The following TAFA5 variants were observed in gnomAD, a reference collection of about 807,000 sequenced individuals.
TAFA5 encodes the protein chemokine-like protein TAFA-5.
Under a neutral mutation model 15.3 loss-of-function variants are expected in TAFA5, and 6 were observed. That is an observed-to-expected ratio of 0.39 (90% CI 0.21 to 0.77). TAFA5 has a LOEUF of 0.77. Among genes scored for constraint, TAFA5 ranks in the 30% least tolerant of loss-of-function variants. The pLI is 0.41. For missense variants in TAFA5, 161 were observed against 193.1 expected, an observed-to-expected ratio of 0.83 and a Z score of 0.98; for synonymous variants, 103 against 80.7, an observed-to-expected ratio of 1.28 and a Z score of -1.48.
intron 2 of TAFA5, among the ~76,000 whole-genome samples, chr22:48,700,306 C>T (rs571221111): frequency 6.6e-6 from 1 of 152,200 alleles, no homozygotes; most frequent in Admixed American, 6.5e-5. Context: ...AGGAAAGGAG[C>T]TGGAAGCTAG....
At chr22:48,655,431 C>A (rs947401035) in intron 2 of TAFA5, among the ~76,000 whole-genome samples, 5 of 152,180 alleles carry the variant, frequency 3.3e-5, no homozygotes, top group South Asian at 2.1e-4. Context: ...AAAATCAAGG[C>A]ACTAGCGTGT....
rs1243075471 is a variant in TAFA5, at chr22:48,489,765, G to A, written c.112+61G>A. 2 of 1,074,482 alleles carry A rather than the reference G, an allele frequency of 1.9e-6. No individual in the cohort carries two copies. The highest frequency in any genetic ancestry group is 2.5e-6 in the Non-Finnish European group (2 of 816,154). 66.6% of individuals were successfully genotyped at this position (1,074,482 alleles called of 1,614,324 possible). ...TCTGGGCCCCGGACCCCCTCCTCCGGCCCCGGCAGGCGCCCCGCGGGCCTC... is the reference window on the plus strand; with the variant it reads ...TCTGGGCCCCGGACCCCCTCCTCCGACCCCGGCAGGCGCCCCGCGGGCCTC... On this transcript the variant is annotated intron_variant, in intron 1 of 3. Coordinates refer to ENST00000402357, the MANE Select transcript of TAFA5 (RefSeq NM_001082967.3). The surrounding 1 kb of genome is among the most constrained non-coding windows in gnomAD (Gnocchi z 5.5).
intron 1 of TAFA5, among the ~76,000 whole-genome samples, chr22:48,507,314 G>A (rs1371195677): frequency 6.7e-6 from 1 of 149,608 alleles, no homozygotes; most frequent in Non-Finnish European, 1.5e-5. Flanking sequence ...GGAGTGGCCG[G>A]CCGGTCAGGC....
chr22:48,616,115 G>C (rs896156723), intron 1 of TAFA5, among the ~76,000 whole-genome samples: 3 of 151,996 alleles, frequency 2.0e-5, no homozygotes, highest in African/African-American at 7.2e-5. Flanking sequence ...TGGGCCTGGG[G>C]CTGGGGATCA....
chr22:48,632,492 G>A (rs1926268416), intron 1 of TAFA5, among the ~76,000 whole-genome samples: 2 of 130,588 alleles, frequency 1.5e-5, no homozygotes, highest in South Asian at 4.1e-4. Context: ...CTGCGCTGCT[G>A]CCTGGCCAGG....
Position 48,571,574 on chromosome 22 carries a change from GTTTTTT to G in TAFA5, c.113-74996_113-74991del, listed in dbSNP as rs57578802. Among the ~76,000 whole-genome samples the G allele has an allele frequency of 6.6e-3, 192 of 29,170 alleles. 1 individual carries two copies. The East Asian group carries it at 0.16, about 24-fold the overall frequency. 19.1% of individuals were successfully genotyped at this position (29,170 alleles called of 152,430 possible). ...AGGCATGAGCCACTGTGCCTGGCCTGTTTTTTTTTTTTTTTTTTTTTTTTTTTTTTT... is the reference window on the plus strand; with the variant it reads ...AGGCATGAGCCACTGTGCCTGGCCTGTTTTTTTTTTTTTTTTTTTTTTTTT... On this transcript the variant is annotated intron_variant, in intron 1 of 3. Transcript: ENST00000402357.
chr22:48,630,056 A>C (rs1050920802), intron 1 of TAFA5, among the ~76,000 whole-genome samples: 24 of 152,160 alleles, frequency 1.6e-4, no homozygotes, highest in African/African-American at 5.6e-4. Context: ...GCCTGGGAGG[A>C]ACTGACCTGA....
At chr22:48,738,410 C>T (rs1930091237) in intron 3 of TAFA5, among the ~76,000 whole-genome samples, 1 of 152,182 alleles carries the variant, frequency 6.6e-6, no homozygotes, top group African/African-American at 2.4e-5. Flanking sequence ...AGTCAGCACT[C>T]CTCCCGGGCA....
intron 2 of TAFA5, 141 bp downstream of exon 2, chr22:48,646,887 A>G: frequency 3.6e-6 from 4 of 1,099,408 alleles, no homozygotes; most frequent in Non-Finnish European, 1.3e-6. Context: ...CTGTTGGCAC[A>G]GCTGTTCCCA....
rs1390324906 is a variant in TAFA5 at position 48,751,920 on chromosome 22, A to G, written c.*2073A>G. The G allele has an allele frequency of 6.6e-6, 1 of 152,048 alleles. No individual in the cohort carries two copies. Among genetic ancestry groups the G allele is most frequent in the Non-Finnish European group, 1.5e-5 (1 of 67,956 alleles). 9.4% of individuals were successfully genotyped at this position (152,048 alleles called of 1,614,324 possible). A position where few individuals can be genotyped will look rare whatever the true frequency, so the allele number is the denominator to read the frequency against. ...GCTAAATTATGAAAAATAAAGAAAAACTCCTTTGATAAGCATGGCTTTTGT... is the reference window on the plus strand; with the variant it reads ...GCTAAATTATGAAAAATAAAGAAAAGCTCCTTTGATAAGCATGGCTTTTGT... On this transcript the variant is annotated 3_prime_UTR_variant, in exon 4 of 4. Coordinates refer to ENST00000402357, the MANE Select transcript of TAFA5 (RefSeq NM_001082967.3).
intron 1 of TAFA5, among the ~76,000 whole-genome samples, chr22:48,581,553 A>G (rs764482039): frequency 2.6e-5 from 4 of 152,196 alleles, no homozygotes; most frequent in Non-Finnish European, 2.9e-5. Flanking sequence ...GAGAGGGGCC[A>G]CTGGCGAGGC....
rs567699850 is a variant in TAFA5, at chr22:48,546,550, G to C, written c.112+56846G>C. 14 of 471,172 alleles carry C rather than the reference G, an allele frequency of 3.0e-5. 1 individual carries two copies. Among genetic ancestry groups the C allele is most frequent in the South Asian group, 2.2e-4 (14 of 64,562 alleles). The allele number at this position is 471,172 out of a possible 1,614,324, so 29.2% of individuals were successfully genotyped here. On this transcript the variant is annotated intron_variant, in intron 1 of 3. Transcript: ENST00000402357. ...CCCGCGGCTGTGGGATGAGAGATAC[G>C]GATGATGTGGACTGCTGAGCAAGGG...
At chr22:48,738,628 A>G (rs117315334) in intron 3 of TAFA5, among the ~76,000 whole-genome samples, 3,687 of 152,314 alleles carry the variant, frequency 0.024, 69 homozygotes, top group Middle Eastern at 0.075. Flanking sequence ...TAATCACATT[A>G]TTAAGTGAGG....
intron 1 of TAFA5, among the ~76,000 whole-genome samples, chr22:48,507,856 G>A (rs887886073): frequency 3.3e-5 from 5 of 152,162 alleles, no homozygotes; most frequent in Non-Finnish European, 5.9e-5. Flanking sequence ...GGAGCTCCGT[G>A]GGCCAGGAAG....
At chr22:48,681,312 G>A (rs1245210783) in intron 2 of TAFA5, among the ~76,000 whole-genome samples, 2 of 152,110 alleles carry the variant, frequency 1.3e-5, no homozygotes, top group South Asian at 2.1e-4. Flanking sequence ...GCACAGCTCA[G>A]CAGTAGAGAC....
chr22:48,646,903 G>A (rs1198299960), intron 2 of TAFA5, among the ~76,000 whole-genome samples, 157 bp downstream of exon 2: 3 of 152,212 alleles, frequency 2.0e-5, no homozygotes, highest in African/African-American at 4.8e-5. Flanking sequence ...TCCCATGGAT[G>A]GTGTGAGCTT....
chr22:48,583,497 C>T (rs144150245), intron 1 of TAFA5, among the ~76,000 whole-genome samples: 58,789 of 144,210 alleles, frequency 0.41, 12,426 homozygotes, highest in African/African-American at 0.55. Flanking sequence ...CACCACACAC[C>T]ACACAGTGCA....
intron 1 of TAFA5, among the ~76,000 whole-genome samples, chr22:48,577,067 A>G (rs1923838696): frequency 6.6e-6 from 1 of 152,216 alleles, no homozygotes; most frequent in African/African-American, 2.4e-5. Flanking sequence ...CCAGGGCCCA[A>G]GCCGCCTTCC....
intron 1 of TAFA5, chr22:48,547,154 A>G (rs1054249493): frequency 6.6e-6 from 1 of 152,386 alleles, no homozygotes; most frequent in Non-Finnish European, 1.5e-5. Flanking sequence ...TATATTTTCA[A>G]ATGAAAAGGC....
Sources: allele counts gnomAD v4.1 joint callset (sites outside exome capture counted in the v4.1 genomes callset), GRCh38; gene constraint gnomAD v4.1.1; non-coding constraint Gnocchi (gnomAD v3.1); transcripts MANE v1.5; gene names NCBI Gene and HGNC (gene_info 2026-07-23, HGNC 2026-07-21).